The following PRKCA variants were observed in gnomAD, a reference collection of about 807,000 sequenced individuals.
PRKCA encodes the protein protein kinase C alpha.
A neutral mutation model predicts 87.0 loss-of-function variants in PRKCA; 27 were observed. That is an observed-to-expected ratio of 0.31 (90% CI 0.23 to 0.43). The LOEUF is 0.43. PRKCA is among the 20% of genes least tolerant of loss of function. PRKCA has a pLI of 1.00. For missense variants in PRKCA, 518 were observed against 852.3 expected, an observed-to-expected ratio of 0.61 and a Z score of 4.88; for synonymous variants, 329 against 311.1, an observed-to-expected ratio of 1.06 and a Z score of -0.61.
At chr17:66,318,010 A>G (rs1217335038) in intron 2 of PRKCA, among the ~76,000 whole-genome samples, 1 of 152,220 alleles carries the variant, frequency 6.6e-6, no homozygotes, top group Non-Finnish European at 1.5e-5. Flanking sequence ...TAGTTGGGAG[A>G]AGTTGTACAT....
At chr17:66,427,807 C>G (rs1170859925) in intron 2 of PRKCA, among the ~76,000 whole-genome samples, 8 of 152,138 alleles carry the variant, frequency 5.3e-5, no homozygotes, top group African/African-American at 1.9e-4. Context: ...GTGGGAAGAT[C>G]AATTTATTGG....
intron 2 of PRKCA, among the ~76,000 whole-genome samples, chr17:66,482,993 G>A (rs1915848302): frequency 6.6e-6 from 1 of 152,170 alleles, no homozygotes; most frequent in Non-Finnish European, 1.5e-5. Flanking sequence ...TTTGGTAATA[G>A]CTCTTTACTG....
chr17:66,719,028 G>A (rs1411310186), intron 8 of PRKCA, among the ~76,000 whole-genome samples: 1 of 152,092 alleles, frequency 6.6e-6, no homozygotes, highest in African/African-American at 2.4e-5. Flanking sequence ...TTGTGCAGCT[G>A]GGCACAAGGG....
At chr17:66,625,223 AAAATCACTTTCCAGAACAGAAT>A (rs1938766715) in intron 3 of PRKCA, among the ~76,000 whole-genome samples, 1 of 152,242 alleles carries the variant, frequency 6.6e-6, no homozygotes, top group South Asian at 2.1e-4. Context: ...GAATGATAGA[AAAATCACTTTCCAGAACAGAAT>A]GTTTGAATTG....
intron 3 of PRKCA, among the ~76,000 whole-genome samples, chr17:66,593,865 C>T (rs1228653067): frequency 6.6e-6 from 1 of 152,160 alleles, no homozygotes; most frequent in East Asian, 1.9e-4. Flanking sequence ...AGATGGATCA[C>T]CTGAGGTCAG....
At position 66,347,501 on chromosome 17, in the gene PRKCA, T is replaced by C. The variant is rs886128802; in HGVS notation, c.205+41374T>C. On this transcript the variant is annotated intron_variant, in intron 2 of 16. Coordinates refer to ENST00000413366, the MANE Select transcript of PRKCA (RefSeq NM_002737.3). ...GGTAGAGAATGAAACCGTGTCTGTGTTTCATATTGGTCCATCTTATGTGTT... is the reference window on the plus strand; with the variant it reads ...GGTAGAGAATGAAACCGTGTCTGTGCTTCATATTGGTCCATCTTATGTGTT... Among the ~76,000 whole-genome samples, 4 of 152,216 alleles carry C rather than the reference T, an allele frequency of 2.6e-5. 1 individual carries two copies. The highest frequency in any genetic ancestry group is 4.1e-4 in the South Asian group (2 of 4,832).
chr17:66,605,783 A>G (rs1006347419), intron 3 of PRKCA, among the ~76,000 whole-genome samples: 19 of 152,230 alleles, frequency 1.2e-4, no homozygotes, highest in African/African-American at 4.6e-4. Flanking sequence ...TGCAACATAG[A>G]TGGACCTCAG....
In PRKCA at chr17:66,697,585, C is replaced by A. The variant is rs77814718; in HGVS notation, c.918+8538C>A. Reference sequence around the variant, plus strand: ...GCATAGTAAGTAAGCACCCAGCTCCCCCAGCCATCCACAACACTGCCCAAG... The same window carrying A: ...GCATAGTAAGTAAGCACCCAGCTCCACCAGCCATCCACAACACTGCCCAAG... On this transcript the variant is annotated intron_variant, in intron 8 of 16. Transcript: ENST00000413366. Among the ~76,000 whole-genome samples the A allele has an allele frequency of 8.2e-3, 1,245 of 152,284 alleles. 13 individuals carry two copies. The highest frequency in any genetic ancestry group is 0.029 in the African/African-American group (1,188 of 41,554).
chr17:66,562,181 TAA>T (rs1311335907), intron 3 of PRKCA, among the ~76,000 whole-genome samples: 1 of 83,858 alleles, frequency 1.2e-5, no homozygotes, highest in East Asian at 3.4e-4. Flanking sequence ...TATATATAAT[TAA>T]GTTATATATA....
intron 16 of PRKCA, among the ~76,000 whole-genome samples, chr17:66,802,960 G>A (rs1186543889): frequency 6.6e-6 from 1 of 152,200 alleles, no homozygotes; most frequent in Non-Finnish European, 1.5e-5. Flanking sequence ...CTGCTTCAGA[G>A]TCACCCTGGG....
intron 2 of PRKCA, among the ~76,000 whole-genome samples, chr17:66,453,151 G>A (rs1254518197): frequency 6.6e-6 from 1 of 152,068 alleles, no homozygotes; most frequent in Non-Finnish European, 1.5e-5. Context: ...AATATCCCAA[G>A]CTTGAAACCA....
intron 3 of PRKCA, among the ~76,000 whole-genome samples, chr17:66,581,703 CT>C (rs979114971): frequency 8.5e-5 from 13 of 152,124 alleles, no homozygotes; most frequent in African/African-American, 2.9e-4. Flanking sequence ...TCTCAATCTC[CT>C]AACCTCGTGA....
intron 3 of PRKCA, among the ~76,000 whole-genome samples, chr17:66,544,207 C>G (rs1968080317): frequency 6.6e-6 from 1 of 151,992 alleles, no homozygotes; most frequent in Non-Finnish European, 1.5e-5. Flanking sequence ...CTGGGCGACA[C>G]AGCGAGACCC....
chr17:66,509,244 A>G (rs904494859), intron 3 of PRKCA, among the ~76,000 whole-genome samples: 6 of 151,696 alleles, frequency 4.0e-5, no homozygotes, highest in Admixed American at 2.0e-4. Context: ...ACTCAATGCA[A>G]TTATGGAGGC....
intron 5 of PRKCA, among the ~76,000 whole-genome samples, chr17:66,681,769 C>T (rs1972501246): frequency 6.6e-6 from 1 of 152,216 alleles, no homozygotes; most frequent in South Asian, 2.1e-4. Context: ...TCACCCACCA[C>T]CTGCAGCACC....
intron 5 of PRKCA, among the ~76,000 whole-genome samples, chr17:66,663,297 G>A (rs1310730808): frequency 6.6e-6 from 1 of 152,234 alleles, no homozygotes; most frequent in Non-Finnish European, 1.5e-5. Context: ...CTTCAGGCGA[G>A]GGGTTGGGAG....
At chr17:66,534,771 T>G (rs75341615) in intron 3 of PRKCA, among the ~76,000 whole-genome samples, 5,146 of 152,280 alleles carry the variant, frequency 0.034, 310 homozygotes, top group African/African-American at 0.12. Flanking sequence ...CAAGTGAACC[T>G]TCTTAAGGAC....
At chr17:66,777,474 G>C in intron 14 of PRKCA, 3 of 963,044 alleles carry the variant, frequency 3.1e-6, no homozygotes, top group Non-Finnish European at 3.6e-6. Context: ...ATACGTCCGG[G>C]TGTAAACACA....
At chr17:66,785,605 G>T (rs1216717821) in intron 14 of PRKCA, among the ~76,000 whole-genome samples, 2 of 152,242 alleles carry the variant, frequency 1.3e-5, no homozygotes, top group Non-Finnish European at 2.9e-5. Context: ...TGACCGGGAA[G>T]TGATGGATCC....
Sources: allele counts gnomAD v4.1 joint callset (sites outside exome capture counted in the v4.1 genomes callset), GRCh38; gene constraint gnomAD v4.1.1; transcripts MANE v1.5; gene names NCBI Gene and HGNC (gene_info 2026-07-23, HGNC 2026-07-21).